TACC3: variants seen among roughly 807,000 people sequenced by gnomAD.
TACC3 encodes transforming acidic coiled-coil-containing protein 3.
TACC3 carries 52 observed loss-of-function variants against 86.0 expected under a neutral mutation model. The ratio of observed to expected loss-of-function variants is 0.60; its 90% CI spans 0.48 to 0.76. TACC3 has a LOEUF of 0.76. TACC3 is among the 30% of genes least tolerant of loss of function. The pLI is 0.00. For synonymous variants in TACC3, 512 were observed against 430.0 expected, an observed-to-expected ratio of 1.19 and a Z score of -2.36; for missense variants, 1,120 against 1,070.4, an observed-to-expected ratio of 1.05 and a Z score of -0.65.
chr4:1,740,293 G>A, intron 12 of TACC3: 1 of 545,378 alleles, frequency 1.8e-6, no homozygotes, highest in Non-Finnish European at 3.3e-6. Context: ...TCCCGCCGTG[G>A]CCTACCCCAC....
chr4:1,744,726 T>C lies in TACC3; in HGVS notation c.2345T>C (p.Ile782Thr). 1 of 1,612,586 alleles carries C rather than the reference T, an allele frequency of 6.2e-7. No individual in the cohort carries two copies. Among genetic ancestry groups the C allele is most frequent in the African/African-American group, 1.3e-5 (1 of 75,050 alleles). ...EEKLQLANEE[I>T]AQVRSKAQAE... ...TACCCCTCCAGGGCAAACGAGGAGA[T>C]CGCCCAGGTCCGGAGCAAGGCCCAG... Residue 782 changes from isoleucine to threonine, a missense_variant, in exon 15 of 16, where the codon ATC (isoleucine) becomes ACC (threonine). Transcript: ENST00000313288.
chr4:1,743,478 G>A (rs1384355527), intron 13 of TACC3, among the ~76,000 whole-genome samples: 9 of 152,040 alleles, frequency 5.9e-5, no homozygotes, highest in Non-Finnish European at 1.0e-4. Context: ...GCTTGAATCC[G>A]GGAGGCGGAG....
Position 1,735,296 on chromosome 4 carries a change from G to A in TACC3, c.1615G>A (p.Asp539Asn). 6.2e-7 allele frequency: 1 copy of A among 1,614,074 alleles called. No homozygotes were observed. Among genetic ancestry groups the A allele is most frequent in the East Asian group, 2.2e-5 (1 of 44,888 alleles). ...AEVLGTGAEV[D>N]YLEQFGTSSF... ...AGTTCTAGGCACGGGCGCGGAGGTG[G>A]ATTACCTGGAGCAGTTTGGAACTTC... is the stretch of plus-strand genomic sequence containing the variant. The change falls in exon 7 of 16, where the codon GAT (aspartate) becomes AAT (asparagine). Residue 539 changes from aspartate (D) to asparagine (N), a missense_variant. Transcript: ENST00000313288. This position sits in a 1 kb window ranked among gnomAD's most constrained non-coding sequence, Gnocchi z 4.2.
At chr4:1,733,893 G>A (rs1176701739) in intron 6 of TACC3, among the ~76,000 whole-genome samples, 1 of 151,490 alleles carries the variant, frequency 6.6e-6, no homozygotes, top group Non-Finnish European at 1.5e-5. Flanking sequence ...CGGGAGAATC[G>A]CTTGAACCCA....
intron 4 of TACC3, among the ~76,000 whole-genome samples, chr4:1,730,035 T>C (rs895323720): frequency 1.9e-5 from 2 of 103,706 alleles, no homozygotes; most frequent in Non-Finnish European, 4.6e-5. Context: ...CCTAGGGTTA[T>C]TTGTTTGTTT....
chr4:1,735,147 C>G lies in TACC3; in HGVS notation c.1592-126C>G, dbSNP rs1445737328. ...GCAGTCAGGCCCCGAACATCCACACCTCCAAGGGAGGAAATACTGCTGGCT... is the reference window on the plus strand; with the variant it reads ...GCAGTCAGGCCCCGAACATCCACACGTCCAAGGGAGGAAATACTGCTGGCT... On this transcript the variant is annotated intron_variant, in intron 6 of 15. Transcript: ENST00000313288. The surrounding 1 kb of genome is among the most constrained non-coding windows in gnomAD (Gnocchi z 4.2). The G allele has an allele frequency of 3.7e-6, 5 of 1,354,028 alleles. No homozygotes were observed. The highest frequency in any genetic ancestry group is 5.2e-6 in the Non-Finnish European group (5 of 968,886). The allele number at this position is 1,354,028 out of a possible 1,614,324, so 83.9% of individuals were successfully genotyped here.
chr4:1,725,080 G>A (rs1036172086), intron 3 of TACC3, among the ~76,000 whole-genome samples: 3 of 151,900 alleles, frequency 2.0e-5, no homozygotes, highest in South Asian at 2.1e-4. Flanking sequence ...ACAGGCATGC[G>A]CCACCACACC....
intron 9 of TACC3, 67 bp from the exon 10 acceptor site, chr4:1,737,531 C>T: frequency 2.3e-6 from 3 of 1,323,006 alleles, no homozygotes; most frequent in Non-Finnish European, 3.1e-6. Context: ...CCTTTCCTCC[C>T]TCACACTAGG....
At position 1,723,556 on chromosome 4, in the gene TACC3, A is replaced by G; in HGVS notation, c.135A>G (p.Pro45=). 1 of 1,613,510 alleles carries G rather than the reference A, an allele frequency of 6.2e-7. No homozygotes were observed. Among genetic ancestry groups the G allele is most frequent in the Non-Finnish European group, 8.5e-7 (1 of 1,179,836 alleles). ...GTGTGTCACAGAAAGAAAATGTGCC[A>G]CCCAAGAACCTGGCCAAAGCTATGA... The part of the protein sequence containing the change: ...VLRVSQKENV[P]PKNLAKAMKV... The change falls in exon 2 of 16, where the codon CCA becomes CCG. Residue 45 remains proline, a synonymous_variant. Transcript: ENST00000313288.
chr4:1,744,252 C>T (rs1718733395), intron 13 of TACC3, among the ~76,000 whole-genome samples: 1 of 152,256 alleles, frequency 6.6e-6, no homozygotes, highest in Non-Finnish European at 1.5e-5. Flanking sequence ...GCAGAGGCTG[C>T]AGGTGTGGCA....
chr4:1,740,115 T>A, intron 12 of TACC3, 113 bp downstream of exon 12: 1 of 1,059,024 alleles, frequency 9.4e-7, no homozygotes, highest in Non-Finnish European at 1.4e-6. Context: ...CCCCTTTTCC[T>A]AACACACGAG....
rs577723389 is a variant in TACC3, at chr4:1,742,567, G to A, written c.2223+1581G>A. Among the ~76,000 whole-genome samples the A allele has an allele frequency of 5.3e-5, 8 of 152,340 alleles. No homozygotes were observed. In the South Asian group the frequency reaches 6.2e-4, roughly 12 times the overall value. ...AGAAAAGAATCCCCTTCGGGAGACC[G>A]AGACGGGTGGATCACTTGAGGTCAG... On this transcript the variant is annotated intron_variant, in intron 13 of 15. Coordinates refer to ENST00000313288, the MANE Select transcript of TACC3 (RefSeq NM_006342.3).
intron 3 of TACC3, 36 bp from the exon 4 acceptor site, chr4:1,727,672 C>G (rs774301957): frequency 5.2e-6 from 8 of 1,541,906 alleles, no homozygotes; most frequent in Non-Finnish European, 7.0e-6. Flanking sequence ...TCACCAGGTA[C>G]TCGCTGCTTC....
chr4:1,737,847 G>C, intron 10 of TACC3, 145 bp downstream of exon 10: 1 of 824,814 alleles, frequency 1.2e-6, no homozygotes, highest in Non-Finnish European at 2.0e-6. Flanking sequence ...GAGAGCTGCC[G>C]GCCCCTGGCC....
At position 1,723,170 on chromosome 4, in the gene TACC3, T is replaced by C; in HGVS notation, c.-1-251T>C. On this transcript the variant is annotated intron_variant, in intron 1 of 15. Coordinates refer to ENST00000313288, the MANE Select transcript of TACC3 (RefSeq NM_006342.3). The stretch of plus-strand genomic sequence containing the variant: ...TCTCAGCCTGAAGGCCCTTTAGCTC[T>C]TGGTCCCAGGAAGCAGCAGTGCTGC... The C allele has an allele frequency of 7.5e-6, 4 of 530,734 alleles. 1 individual carries two copies. In the South Asian group the frequency reaches 9.7e-5, roughly 13 times the overall value. 32.9% of individuals were successfully genotyped at this position (530,734 alleles called of 1,614,324 possible). A position where few individuals can be genotyped will look rare whatever the true frequency, so the allele number is the denominator to read the frequency against.
chr4:1,735,866 G>A lies in TACC3; in HGVS notation c.1748+32G>A. 1 of 1,450,000 alleles carries A rather than the reference G, an allele frequency of 6.9e-7. No homozygotes were observed. The highest frequency in any genetic ancestry group is 9.5e-7 in the Non-Finnish European group (1 of 1,051,308). 89.8% of individuals were successfully genotyped at this position (1,450,000 alleles called of 1,614,324 possible). A position where few individuals can be genotyped will look rare whatever the true frequency, so the allele number is the denominator to read the frequency against. Reference sequence around the variant, plus strand: ...GCGCCGGCCCTCCCTCATGCATGAAGCCTTGAGTGTGGGAAGACTGGAGGC... The same window carrying A: ...GCGCCGGCCCTCCCTCATGCATGAAACCTTGAGTGTGGGAAGACTGGAGGC... On this transcript the variant is annotated intron_variant, in intron 8 of 15. Transcript: ENST00000313288. The surrounding 1 kb of genome is among the most constrained non-coding windows in gnomAD (Gnocchi z 4.2).
intron 1 of TACC3, among the ~76,000 whole-genome samples, chr4:1,722,199 G>A (rs1191632253): frequency 6.6e-6 from 1 of 152,204 alleles, no homozygotes; most frequent in East Asian, 1.9e-4. Context: ...AGCCCCTCCC[G>A]GGCCTCCATA....
At chr4:1,727,629 C>T in intron 3 of TACC3, 79 bp from the exon 4 acceptor site, 1 of 1,519,670 alleles carries the variant, frequency 6.6e-7, no homozygotes, top group Admixed American at 2.2e-5. Context: ...AATGTTAAAC[C>T]TATGTTGAGA....
intron 12 of TACC3, 141 bp downstream of exon 12, chr4:1,740,143 C>G: frequency 1.2e-6 from 1 of 803,868 alleles, no homozygotes; most frequent in Non-Finnish European, 2.0e-6. Context: ...AACATGGGCC[C>G]GGCCGTGGAA....
Sources: allele counts gnomAD v4.1 joint callset (sites outside exome capture counted in the v4.1 genomes callset), GRCh38; gene constraint gnomAD v4.1.1; non-coding constraint Gnocchi (gnomAD v3.1); transcripts MANE v1.5; gene names NCBI Gene and HGNC (gene_info 2026-07-23, HGNC 2026-07-21).